The following CNTN5 variants were observed in gnomAD, a reference collection of about 807,000 sequenced individuals.
The protein encoded by CNTN5 is contactin 5.
In CNTN5, 77 loss-of-function variants were observed where a neutral mutation model predicts 129.1. That is an observed-to-expected ratio of 0.60 (90% CI 0.50 to 0.72). The LOEUF (loss-of-function observed/expected upper bound fraction) is 0.72, where lower values mean the gene tolerates loss of function less well. CNTN5 is among the 30% of genes least tolerant of loss of function. The pLI is 0.00. For synonymous variants in CNTN5, 509 were observed against 465.6 expected (o/e 1.09, Z -1.20); for missense variants, 1,478 against 1,328.8 (o/e 1.11, Z -1.75).
At chr11:100,275,413 C>T (rs371460727) in intron 18 of CNTN5, among the ~76,000 whole-genome samples, 10 of 152,182 alleles carry the variant, frequency 6.6e-5, no homozygotes, top group East Asian at 5.8e-4. Flanking sequence ...TTCTAAAAAG[C>T]GCTGCCTTAC....
intron 1 of CNTN5, among the ~76,000 whole-genome samples, chr11:99,279,075 A>G (rs529878006): frequency 6.6e-6 from 1 of 151,802 alleles, no homozygotes; most frequent in Non-Finnish European, 1.5e-5. Context: ...TACTTTGCGA[A>G]GTACTCTATC....
chr11:100,132,079 G>A (rs1946394817), intron 13 of CNTN5, among the ~76,000 whole-genome samples: 1 of 152,004 alleles, frequency 6.6e-6, no homozygotes, highest in Non-Finnish European at 1.5e-5. Flanking sequence ...AGGGCTTTGA[G>A]CAAAGGAAAA....
chr11:99,867,621 T>A (rs1415274915), intron 6 of CNTN5, among the ~76,000 whole-genome samples: 1 of 152,180 alleles, frequency 6.6e-6, no homozygotes, highest in Non-Finnish European at 1.5e-5. Flanking sequence ...CTGACTTTGC[T>A]CCCATCATCA....
At chr11:99,301,729 C>A (rs1209864166) in intron 1 of CNTN5, among the ~76,000 whole-genome samples, 1 of 151,568 alleles carries the variant, frequency 6.6e-6, no homozygotes, top group Non-Finnish European at 1.5e-5. Context: ...ATTCTATAAA[C>A]CAATTAGTCT....
At chr11:99,933,500 C>A (rs937357442) in intron 7 of CNTN5, among the ~76,000 whole-genome samples, 5 of 152,236 alleles carry the variant, frequency 3.3e-5, no homozygotes, top group East Asian at 1.9e-4. Context: ...CCTTTCCAAT[C>A]AATTTTTCCC....
intron 2 of CNTN5, among the ~76,000 whole-genome samples, chr11:99,375,210 C>T (rs974287737): frequency 1.1e-4 from 15 of 138,108 alleles, no homozygotes; most frequent in African/African-American, 3.7e-4. Context: ...GGCTGAGGCA[C>T]GAGAATTGCT....
chr11:99,996,712 T>A (rs924363260), intron 8 of CNTN5, among the ~76,000 whole-genome samples: 2 of 152,180 alleles, frequency 1.3e-5, no homozygotes, highest in African/African-American at 4.8e-5. Flanking sequence ...GACTCACAGT[T>A]TCACATGGCT....
intron 1 of CNTN5, among the ~76,000 whole-genome samples, chr11:99,297,494 C>T (rs192993163): frequency 2.6e-5 from 4 of 152,240 alleles, no homozygotes; most frequent in Admixed American, 1.3e-4. Flanking sequence ...CAAACCCATT[C>T]TTGGCCAAGA....
At position 99,964,350 on chromosome 11, in the gene CNTN5, G is replaced by A. The variant is rs188982435; in HGVS notation, c.877+7341G>A. ...ACGTCCCATCAATACCTAATTTATT[G>A]AGAGTTTTTAGCATGAAGATTGTTG... On this transcript the variant is annotated intron_variant, in intron 8 of 24. Transcript: ENST00000524871. Among the ~76,000 whole-genome samples, 363 of 152,278 alleles carry A rather than the reference G, an allele frequency of 2.4e-3. 1 individual carries two copies. Among genetic ancestry groups the A allele is most frequent in the African/African-American group, 8.4e-3 (348 of 41,552 alleles).
intron 3 of CNTN5, among the ~76,000 whole-genome samples, chr11:99,595,201 A>G (rs1296155636): frequency 6.6e-6 from 1 of 152,198 alleles, no homozygotes; most frequent in Admixed American, 6.5e-5. Flanking sequence ...AGACAGCTAG[A>G]ATATTTTAAA....
At chr11:99,679,546 A>G (rs925545805) in intron 3 of CNTN5, among the ~76,000 whole-genome samples, 8 of 152,096 alleles carry the variant, frequency 5.3e-5, no homozygotes, top group African/African-American at 1.9e-4. Context: ...CTGCACCCAT[A>G]TAAGACTGTA....
chr11:99,996,511 T>C (rs11222262), intron 8 of CNTN5, among the ~76,000 whole-genome samples: 44,620 of 151,874 alleles, frequency 0.29, 6,909 homozygotes, highest in African/African-American at 0.38. Context: ...AAAATTGATA[T>C]TCCTATTTCT....
intron 2 of CNTN5, among the ~76,000 whole-genome samples, chr11:99,547,227 A>C (rs527711600): frequency 2.0e-5 from 3 of 151,774 alleles, no homozygotes; most frequent in African/African-American, 7.3e-5. Flanking sequence ...CTAGTCCCGA[A>C]CTCCTGACCT....
intron 6 of CNTN5, among the ~76,000 whole-genome samples, chr11:99,897,083 C>G (rs1949225841): frequency 6.6e-6 from 1 of 152,024 alleles, no homozygotes; most frequent in Admixed American, 6.6e-5. Context: ...AAAAACTGTT[C>G]TTTTGAACTA....
intron 7 of CNTN5, among the ~76,000 whole-genome samples, chr11:99,951,777 A>G (rs958939457): frequency 6.6e-6 from 1 of 152,140 alleles, no homozygotes; most frequent in African/African-American, 2.4e-5. Context: ...CCCAACAACA[A>G]GCATCCTCTC....
intron 3 of CNTN5, among the ~76,000 whole-genome samples, chr11:99,784,868 C>T (rs7129649): frequency 0.12 from 17,244 of 140,726 alleles, 1,532 homozygotes; most frequent in East Asian, 0.42. Flanking sequence ...GACGCGATCT[C>T]GACTCACTGC....
At chr11:99,942,476 A>G (rs1425205810) in intron 7 of CNTN5, among the ~76,000 whole-genome samples, 1 of 152,062 alleles carries the variant, frequency 6.6e-6, no homozygotes, top group Admixed American at 6.6e-5. Flanking sequence ...TTAATGATGT[A>G]TCTACAAAAT....
At chr11:100,218,257 A>C (rs187381108) in intron 15 of CNTN5, among the ~76,000 whole-genome samples, 1 of 152,232 alleles carries the variant, frequency 6.6e-6, no homozygotes, top group Admixed American at 6.5e-5. Flanking sequence ...CACAAGCCTT[A>C]AGAAGATGTA....
chr11:99,083,392 G>A (rs1196297718), intron 1 of CNTN5, among the ~76,000 whole-genome samples: 1 of 152,138 alleles, frequency 6.6e-6, no homozygotes, highest in Non-Finnish European at 1.5e-5. Flanking sequence ...TTTGGTATCA[G>A]GTGGCACTTC....
Sources: gnomAD v4.1 joint callset for allele counts (sites outside exome capture counted in the v4.1 genomes callset) on GRCh38, gnomAD v4.1.1 for gene constraint, MANE v1.5 for transcripts, NCBI Gene and HGNC (gene_info 2026-07-23, HGNC 2026-07-21) for gene names.